The following ZNF236 variants were observed in gnomAD, a reference collection of about 807,000 sequenced individuals.
The protein encoded by ZNF236 is regulated by glucose.
A neutral mutation model predicts 191.2 loss-of-function variants in ZNF236; 50 were observed. That is an observed-to-expected ratio of 0.26 (90% CI 0.21 to 0.33). ZNF236 has a LOEUF of 0.33. Ranked by LOEUF, ZNF236 falls within the 10% of genes least tolerant of loss-of-function variation. The pLI, the probability that ZNF236 is intolerant of heterozygous loss-of-function variation, is 1.00. For synonymous variants in ZNF236, 907 were observed against 928.8 expected (o/e 0.98, Z 0.43); for missense variants, 1,754 against 2,374.5 (o/e 0.74, Z 5.43).
In ZNF236 at chr18:76,928,462, A is replaced by G. The variant is rs148667757; in HGVS notation, c.4594+356A>G. 1.4e-4 allele frequency among the ~76,000 whole-genome samples: 22 copies of G among 152,346 alleles called. No individual in the cohort carries two copies. In the East Asian group the frequency reaches 4.1e-3, roughly 28 times the overall value. ...CATGAAACTGGTATAAACTGTTTAC[A>G]TTAGGGCATTTTAGATCCGCATGGC... On this transcript the variant is annotated intron_variant, in intron 25 of 30. Coordinates refer to ENST00000320610, the MANE Select transcript of ZNF236 (RefSeq NM_001306089.2).
intron 9 of ZNF236, among the ~76,000 whole-genome samples, chr18:76,894,261 G>A (rs1256887944): frequency 6.6e-6 from 1 of 152,116 alleles, no homozygotes. Context: ...ACCTTCCACT[G>A]TCCTGCTCCA....
intron 26 of ZNF236, among the ~76,000 whole-genome samples, chr18:76,939,451 A>C (rs991766977): frequency 4.6e-5 from 7 of 152,084 alleles, no homozygotes; most frequent in African/African-American, 1.7e-4. Context: ...CTCCTTTCCT[A>C]CCTGTCATCT....
chr18:76,854,816 G>A (rs1448337727), intron 3 of ZNF236, among the ~76,000 whole-genome samples: 1 of 152,066 alleles, frequency 6.6e-6, no homozygotes, highest in East Asian at 1.9e-4. Context: ...AATGCCATAT[G>A]ACATTCTAGA....
chr18:76,919,567 C>A lies in ZNF236; in HGVS notation c.3275-209C>A, dbSNP rs1013237710. On this transcript the variant is annotated intron_variant, in intron 19 of 30. Transcript: ENST00000320610. This position sits in a 1 kb window ranked among gnomAD's most constrained non-coding sequence, Gnocchi z 5.3. Reference sequence around the variant, plus strand: ...CAACCTCTGTTCATCCCCCGCCCCCCACTTTCCAGTACACTTGGCTGTTTT... The same window carrying A: ...CAACCTCTGTTCATCCCCCGCCCCCAACTTTCCAGTACACTTGGCTGTTTT... Among the ~76,000 whole-genome samples, 1 of 152,168 alleles carries A rather than the reference C, an allele frequency of 6.6e-6. No homozygotes were observed. Among genetic ancestry groups the A allele is most frequent in the Admixed American group, 6.5e-5 (1 of 15,272 alleles).
intron 9 of ZNF236, among the ~76,000 whole-genome samples, chr18:76,892,510 A>G (rs1176269263): frequency 2.6e-5 from 4 of 151,818 alleles, no homozygotes; most frequent in Non-Finnish European, 5.9e-5. Flanking sequence ...GTTTTAGCAA[A>G]TGTCTTTTCA....
intron 9 of ZNF236, among the ~76,000 whole-genome samples, chr18:76,892,168 G>GTTTTTTTTTTTTT (rs34870901): frequency 9.5e-5 from 5 of 52,768 alleles, no homozygotes; most frequent in Non-Finnish European, 1.0e-4. Flanking sequence ...TTTCTTCTGG[G>GTTTTTTTTTTTTT]TTTTTTTTTT....
chr18:76,899,351 GTGT>G, intron 11 of ZNF236, 129 bp downstream of exon 11: 1 of 795,482 alleles, frequency 1.3e-6, no homozygotes, highest in Non-Finnish European at 1.9e-6. Context: ...AATGAAGTCT[GTGT>G]TAAGCCTTGT....
chr18:76,832,092 T>A (rs1242034637), intron 1 of ZNF236, among the ~76,000 whole-genome samples: 1 of 152,230 alleles, frequency 6.6e-6, no homozygotes, highest in African/African-American at 2.4e-5. Context: ...TTTATTTTAT[T>A]TTTTTGAGAC....
chr18:76,962,827 T>C (rs903109671), intron 30 of ZNF236, among the ~76,000 whole-genome samples: 1 of 152,008 alleles, frequency 6.6e-6, no homozygotes, highest in Non-Finnish European at 1.5e-5. Context: ...TTTTGTTTTG[T>C]TTTTTCCAGC....
At chr18:76,853,244 A>G (rs1333168940) in intron 3 of ZNF236, among the ~76,000 whole-genome samples, 1 of 151,752 alleles carries the variant, frequency 6.6e-6, no homozygotes, top group African/African-American at 2.4e-5. Flanking sequence ...ATGCCTGGCT[A>G]ATTTTTGTAT....
intron 27 of ZNF236, among the ~76,000 whole-genome samples, chr18:76,949,578 CATT>C (rs1047485485): frequency 4.6e-5 from 7 of 151,972 alleles, no homozygotes; most frequent in Non-Finnish European, 1.0e-4. Flanking sequence ...CATACATTAA[CATT>C]ATGATTTAGT....
Position 76,927,633 on chromosome 18 carries a change from A to G in ZNF236, c.4414+116A>G. On this transcript the variant is annotated intron_variant, in intron 24 of 30. Coordinates refer to ENST00000320610, the MANE Select transcript of ZNF236 (RefSeq NM_001306089.2). The surrounding 1 kb of genome is among the most constrained non-coding windows in gnomAD (Gnocchi z 5.4). ...CATTTTCTTCTCTTTGTAGAAGAGA[A>G]TAAATCAAATGTCCTGAGAATAAAA... 7.6e-7 allele frequency: 1 copy of G among 1,323,470 alleles called. No individual in the cohort carries two copies. Among genetic ancestry groups the G allele is most frequent in the Non-Finnish European group, 1.0e-6 (1 of 985,626 alleles). The allele number at this position is 1,323,470 out of a possible 1,614,324, so 82.0% of individuals were successfully genotyped here. A position where few individuals can be genotyped will look rare whatever the true frequency, so the allele number is the denominator to read the frequency against.
intron 28 of ZNF236, among the ~76,000 whole-genome samples, 192 bp downstream of exon 28, chr18:76,956,374 T>C (rs1392529140): frequency 6.6e-6 from 1 of 152,246 alleles, no homozygotes; most frequent in Non-Finnish European, 1.5e-5. Context: ...ATGAATTGCA[T>C]GTTCACCTGC....
chr18:76,950,494 C>G (rs558761646), intron 27 of ZNF236, among the ~76,000 whole-genome samples: 4 of 152,004 alleles, frequency 2.6e-5, no homozygotes, highest in African/African-American at 9.7e-5. Context: ...CTTATCTGCT[C>G]AGTTATATAT....
At chr18:76,847,705 G>A (rs887515364) in intron 1 of ZNF236, among the ~76,000 whole-genome samples, 4 of 152,120 alleles carry the variant, frequency 2.6e-5, no homozygotes, top group African/African-American at 7.2e-5. Context: ...TCCTGACTTC[G>A]TGTTCCACCC....
intron 10 of ZNF236, 117 bp from the exon 11 acceptor site, chr18:76,898,902 G>C: frequency 1.2e-6 from 1 of 838,392 alleles, no homozygotes; most frequent in Middle Eastern, 3.2e-4. Flanking sequence ...TTATAAGCAT[G>C]GCCTAATAAA....
intron 21 of ZNF236, among the ~76,000 whole-genome samples, chr18:76,924,126 G>A (rs1278180832): frequency 1.3e-5 from 2 of 152,102 alleles, no homozygotes; most frequent in East Asian, 3.9e-4. Flanking sequence ...TTATATGACT[G>A]TCCTGTGTGC....
At chr18:76,853,911 A>G (rs1337684567) in intron 3 of ZNF236, among the ~76,000 whole-genome samples, 1 of 151,902 alleles carries the variant, frequency 6.6e-6, no homozygotes, top group African/African-American at 2.4e-5. Context: ...TCCGGAGGCT[A>G]AGGCGGGAGA....
intron 9 of ZNF236, chr18:76,886,803 A>G (rs533680393): frequency 1.3e-4 from 20 of 154,242 alleles, no homozygotes; most frequent in Non-Finnish European, 2.2e-4. Flanking sequence ...CTGATCTAAG[A>G]TGTTTCAAAA....
Sources: allele counts gnomAD v4.1 joint callset (sites outside exome capture counted in the v4.1 genomes callset), GRCh38; gene constraint gnomAD v4.1.1; non-coding constraint Gnocchi (gnomAD v3.1); transcripts MANE v1.5; gene names NCBI Gene and HGNC (gene_info 2026-07-23, HGNC 2026-07-21).